RGS6: variants seen among roughly 807,000 people sequenced by gnomAD.
The protein encoded by RGS6 is regulator of G protein signaling 6.
Under a neutral mutation model 78.5 loss-of-function variants are expected in RGS6, and 30 were observed. The observed-to-expected ratio is 0.38, with a 90% confidence interval of 0.29 to 0.52. RGS6 has a LOEUF of 0.52. RGS6 is among the 20% of genes least tolerant of loss of function. The pLI is 0.85. For missense variants in RGS6, 495 were observed against 609.7 expected, an observed-to-expected ratio of 0.81 and a Z score of 1.98; for synonymous variants, 206 against 206.0, an observed-to-expected ratio of 1.00 and a Z score of 0.00.
chr14:72,554,063 G>A (rs2097539841), intron 17 of RGS6, among the ~76,000 whole-genome samples: 1 of 152,244 alleles, frequency 6.6e-6, no homozygotes, highest in African/African-American at 2.4e-5. Context: ...AGGAATCCAT[G>A]TCTGATAAGT....
intron 2 of RGS6, among the ~76,000 whole-genome samples, chr14:72,069,222 C>T (rs879928517): frequency 6.6e-6 from 1 of 152,160 alleles, no homozygotes; most frequent in Non-Finnish European, 1.5e-5. Context: ...ATCCACCTGC[C>T]TCAGCCTCCC....
chr14:72,212,934 G>C (rs1446751246), intron 2 of RGS6, among the ~76,000 whole-genome samples: 1 of 152,170 alleles, frequency 6.6e-6, no homozygotes, highest in Non-Finnish European at 1.5e-5. Context: ...GTAGGACCAT[G>C]CACAGATACC....
chr14:72,541,432 G>A, intron 17 of RGS6: 1 of 1,530,140 alleles, frequency 6.5e-7, no homozygotes, highest in Non-Finnish European at 8.8e-7. Context: ...CCCTTCCTCG[G>A]TCTTCCCTCT....
intron 2 of RGS6, among the ~76,000 whole-genome samples, chr14:72,303,584 A>G (rs1251861015): frequency 6.6e-6 from 1 of 152,198 alleles, no homozygotes; most frequent in African/African-American, 2.4e-5. Context: ...ACCTAATTCA[A>G]TAAAGGCATT....
At chr14:72,040,045 A>G (rs1596461521) in intron 2 of RGS6, among the ~76,000 whole-genome samples, 1 of 152,006 alleles carries the variant, frequency 6.6e-6, no homozygotes, top group African/African-American at 2.4e-5. Flanking sequence ...TATATTGCAT[A>G]TCCAATCAAG....
chr14:72,194,226 G>A (rs563719126), intron 2 of RGS6, among the ~76,000 whole-genome samples: 2 of 152,236 alleles, frequency 1.3e-5, no homozygotes, highest in African/African-American at 4.8e-5. Context: ...AGAAAGCAGT[G>A]TGGGTCAAGC....
At chr14:72,295,588 T>G (rs2064649917) in intron 2 of RGS6, among the ~76,000 whole-genome samples, 1 of 152,054 alleles carries the variant, frequency 6.6e-6, no homozygotes, top group Admixed American at 6.5e-5. Flanking sequence ...TTTTACCAGG[T>G]TTTGTTGGTA....
At chr14:71,945,497 G>C (rs2091372637) in intron 1 of RGS6, among the ~76,000 whole-genome samples, 1 of 152,204 alleles carries the variant, frequency 6.6e-6, no homozygotes, top group African/African-American at 2.4e-5. Flanking sequence ...ATGGTAACAA[G>C]TTGTAATTTT....
intron 2 of RGS6, among the ~76,000 whole-genome samples, chr14:72,125,561 A>G (rs1464005888): frequency 6.6e-6 from 1 of 152,158 alleles, no homozygotes; most frequent in African/African-American, 2.4e-5. Flanking sequence ...GAGACAGGAG[A>G]ATAGATCTCA....
intron 3 of RGS6, among the ~76,000 whole-genome samples, chr14:72,379,868 T>C (rs2085622094): frequency 6.6e-6 from 1 of 152,104 alleles, no homozygotes. Flanking sequence ...AAGGCAATCC[T>C]CAGCGAAAAG....
chr14:72,229,649 G>A (rs1449793594), intron 2 of RGS6, among the ~76,000 whole-genome samples: 2 of 152,174 alleles, frequency 1.3e-5, no homozygotes, highest in Non-Finnish European at 2.9e-5. Context: ...TAGGACTTTG[G>A]TATGCTAGTG....
At chr14:72,243,333 A>G (rs2053399134) in intron 2 of RGS6, among the ~76,000 whole-genome samples, 1 of 27,616 alleles carries the variant, frequency 3.6e-5, no homozygotes, top group Non-Finnish European at 7.6e-5. Flanking sequence ...CAGTTTCTTG[A>G]ATCTCAGTTC....
At chr14:72,077,412 G>A (rs7149654) in intron 2 of RGS6, among the ~76,000 whole-genome samples, 38 of 151,838 alleles carry the variant, frequency 2.5e-4, no homozygotes, top group African/African-American at 9.2e-4. Flanking sequence ...GTTTTTTTTC[G>A]TTCCTTCATA....
At chr14:72,492,112 C>T (rs561354914) in intron 12 of RGS6, among the ~76,000 whole-genome samples, 3 of 152,290 alleles carry the variant, frequency 2.0e-5, no homozygotes, top group Non-Finnish European at 4.4e-5. Context: ...TACCTTTCCT[C>T]ATCTACCATA....
At position 72,510,238 on chromosome 14, in the gene RGS6, T is replaced by C. The variant is rs200538793; in HGVS notation, c.1050T>C (p.Phe350=). ...ILKDQVGRDQ[F]LRFLESEFSS... ...AGGACCAGGTGGGGCGGGACCAGTT[T>C]CTACGATTCCTGGAGTCCGAATTCA... The change falls in exon 14 of 18, where the codon TTT becomes TTC. Residue 350 remains phenylalanine (F), a synonymous_variant. Coordinates refer to ENST00000553525, the MANE Select transcript of RGS6 (RefSeq NM_001204424.2). 19 of 1,614,188 alleles carry C rather than the reference T, an allele frequency of 1.2e-5. No homozygotes were observed. The Admixed American group carries it at 1.8e-4, about 16-fold the overall frequency.
chr14:72,569,563 C>A (rs1365381497), downstream of RGS6, among the ~76,000 whole-genome samples: 1 of 152,030 alleles, frequency 6.6e-6, no homozygotes. Context: ...ACCTGTAATC[C>A]CAGCTACCCA....
chr14:72,271,302 A>G (rs550603402), intron 2 of RGS6, among the ~76,000 whole-genome samples: 9 of 152,220 alleles, frequency 5.9e-5, no homozygotes, highest in Non-Finnish European at 1.3e-4. Context: ...GACGTCTTAC[A>G]TGGTGGCAGG....
chr14:72,616,394 C>G, the RGS6 span, among the ~76,000 whole-genome samples: 9 of 152,198 alleles, frequency 5.9e-5, no homozygotes, highest in Non-Finnish European at 1.3e-4. Context: ...CACCTCCACC[C>G]CACAGCCCAT....
At chr14:72,167,499 GACCATCATAGACTCTTTCCTCC>G (rs1207099767) in intron 2 of RGS6, among the ~76,000 whole-genome samples, 2 of 152,218 alleles carry the variant, frequency 1.3e-5, no homozygotes, top group Non-Finnish European at 2.9e-5. Flanking sequence ...GATCTTTGGA[GACCATCATAGACTCTTTCCTCC>G]ATACCATCTG....
Sources: allele counts gnomAD v4.1 joint callset (sites outside exome capture counted in the v4.1 genomes callset), GRCh38; gene constraint gnomAD v4.1.1; transcripts MANE v1.5; gene names NCBI Gene and HGNC (gene_info 2026-07-23, HGNC 2026-07-21).